The following RANBP3L variants were observed in gnomAD, a reference collection of about 807,000 sequenced individuals.
RANBP3L encodes ran-binding protein 3-like.
RANBP3L carries 56 observed loss-of-function variants against 67.2 expected under a neutral mutation model. That is an observed-to-expected ratio of 0.83 (90% CI 0.67 to 1.04). The LOEUF (loss-of-function observed/expected upper bound fraction) is 1.04. Ranked by LOEUF, RANBP3L falls within the 50% of genes least tolerant of loss-of-function variation. RANBP3L has a pLI of 0.00. For synonymous variants in RANBP3L, 164 were observed against 181.4 expected, an observed-to-expected ratio of 0.90 and a Z score of 0.77; for missense variants, 496 against 535.5, an observed-to-expected ratio of 0.93 and a Z score of 0.73.
intron 1 of RANBP3L, 26 bp downstream of exon 1, chr5:36,301,300 G>A: frequency 6.5e-7 from 1 of 1,541,306 alleles, no homozygotes; most frequent in South Asian, 1.1e-5. Flanking sequence ...CACAGAATAT[G>A]CAACTCATGA....
intron 4 of RANBP3L, chr5:36,268,107 G>T: frequency 2.4e-6 from 2 of 846,902 alleles, no homozygotes; most frequent in South Asian, 2.3e-5. Flanking sequence ...AGCATTTTAT[G>T]ATCGCTAAAA....
intron 6 of RANBP3L, among the ~76,000 whole-genome samples, chr5:36,262,737 T>C (rs2111777890): frequency 6.6e-6 from 1 of 152,296 alleles, no homozygotes; most frequent in African/African-American, 2.4e-5. Context: ...TTTATTTCAA[T>C]CAATAAAAAT....
intron 1 of RANBP3L, among the ~76,000 whole-genome samples, chr5:36,300,104 A>G (rs992353082): frequency 1.3e-5 from 2 of 152,240 alleles, no homozygotes; most frequent in African/African-American, 2.4e-5. Context: ...TTAACATTTC[A>G]TACAAAGTCA....
chr5:36,300,239 A>T (rs936280392), intron 1 of RANBP3L, among the ~76,000 whole-genome samples: 1 of 152,198 alleles, frequency 6.6e-6, no homozygotes, highest in Non-Finnish European at 1.5e-5. Context: ...CTTGGTTCAA[A>T]ATTTATTTGA....
intron 1 of RANBP3L, among the ~76,000 whole-genome samples, chr5:36,289,727 G>T (rs1751576769): frequency 1.3e-5 from 2 of 151,178 alleles, no homozygotes; most frequent in South Asian, 2.1e-4. Context: ...TGTTGACTTT[G>T]TAGCCTGATA....
intron 1 of RANBP3L, among the ~76,000 whole-genome samples, chr5:36,285,622 C>T (rs1751267405): frequency 6.6e-6 from 1 of 152,178 alleles, no homozygotes; most frequent in African/African-American, 2.4e-5. Context: ...CCAGCAAAGA[C>T]AGCATAATTA....
chr5:36,298,935 T>C (rs1321753102), intron 1 of RANBP3L, among the ~76,000 whole-genome samples: 1 of 152,144 alleles, frequency 6.6e-6, no homozygotes, highest in African/African-American at 2.4e-5. Flanking sequence ...CTTGATTGGA[T>C]TGAAGGATAC....
chr5:36,265,977 CAAAAAAAAAA>C (rs10717173), intron 4 of RANBP3L, among the ~76,000 whole-genome samples: 1 of 76,094 alleles, frequency 1.3e-5, no homozygotes, highest in Non-Finnish European at 2.5e-5. Flanking sequence ...GACTCCATTT[CAAAAAAAAAA>C]AAAAAAAAAA....
intron 1 of RANBP3L, among the ~76,000 whole-genome samples, chr5:36,276,101 G>C (rs1750548755): frequency 6.6e-6 from 1 of 152,090 alleles, no homozygotes; most frequent in Non-Finnish European, 1.5e-5. Context: ...GGGCTTAACT[G>C]TTCTTCACAT....
At chr5:36,250,570 TACTC>T (rs1748523066) in intron 13 of RANBP3L, among the ~76,000 whole-genome samples, 1 of 152,234 alleles carries the variant, frequency 6.6e-6, no homozygotes, top group African/African-American at 2.4e-5. Flanking sequence ...GTAATTGTAT[TACTC>T]AGTCCTCTGT....
At chr5:36,298,257 G>A (rs565255611) in intron 1 of RANBP3L, among the ~76,000 whole-genome samples, 1 of 150,060 alleles carries the variant, frequency 6.7e-6, no homozygotes, top group Admixed American at 6.6e-5. Flanking sequence ...CCGAGATCAT[G>A]CCACTGCACT....
At chr5:36,279,209 T>C (rs1205821110) in intron 1 of RANBP3L, among the ~76,000 whole-genome samples, 1 of 152,134 alleles carries the variant, frequency 6.6e-6, no homozygotes, top group Non-Finnish European at 1.5e-5. Flanking sequence ...TGTTGAAGTA[T>C]TTTAAGATAG....
intron 1 of RANBP3L, among the ~76,000 whole-genome samples, chr5:36,271,893 G>C (rs1750241780): frequency 6.6e-6 from 1 of 152,020 alleles, no homozygotes; most frequent in Non-Finnish European, 1.5e-5. Flanking sequence ...TTAATATTTT[G>C]TATTTTCTTA....
chr5:36,279,596 T>A (rs1306914450), intron 1 of RANBP3L, among the ~76,000 whole-genome samples: 3 of 152,148 alleles, frequency 2.0e-5, no homozygotes, highest in African/African-American at 7.2e-5. Context: ...AGAAGCAAGA[T>A]GAATGGATCC....
At chr5:36,249,894 A>T (rs1748477418) in intron 13 of RANBP3L, among the ~76,000 whole-genome samples, 197 bp from the exon 14 acceptor site, 1 of 151,974 alleles carries the variant, frequency 6.6e-6, no homozygotes, top group African/African-American at 2.4e-5. Flanking sequence ...GATAATTTAT[A>T]AGCAACAAAG....
At chr5:36,286,171 C>T (rs1006403691) in intron 1 of RANBP3L, among the ~76,000 whole-genome samples, 3 of 152,110 alleles carry the variant, frequency 2.0e-5, no homozygotes, top group African/African-American at 7.2e-5. Flanking sequence ...AGAATTTACC[C>T]TAAGATTTGC....
chr5:36,292,613 A>C, intron 1 of RANBP3L, among the ~76,000 whole-genome samples: 1 of 152,080 alleles, frequency 6.6e-6, no homozygotes, highest in East Asian at 1.9e-4. Context: ...TCAGCTTTCT[A>C]CATATGGCTA....
intron 1 of RANBP3L, among the ~76,000 whole-genome samples, chr5:36,280,234 C>T (rs1046384287): frequency 1.3e-5 from 2 of 152,130 alleles, no homozygotes; most frequent in Non-Finnish European, 2.9e-5. Context: ...CAAGAAGACT[C>T]ATAGGTTGTA....
intron 12 of RANBP3L, among the ~76,000 whole-genome samples, 199 bp downstream of exon 12, chr5:36,253,448 C>T (rs1241111330): frequency 6.6e-6 from 1 of 151,998 alleles, no homozygotes; most frequent in South Asian, 2.1e-4. Flanking sequence ...GGAATGAGTA[C>T]CAATTGATTA....
Sources: gnomAD v4.1 joint callset for allele counts (sites outside exome capture counted in the v4.1 genomes callset) on GRCh38, gnomAD v4.1.1 for gene constraint, MANE v1.5 for transcripts, NCBI Gene and HGNC (gene_info 2026-07-23, HGNC 2026-07-21) for gene names.